Variants in TRIM60 observed in about 807,000 individuals in gnomAD.
The protein encoded by TRIM60 is tripartite motif-containing protein 60.
For missense variants in TRIM60, 524 were observed against 540.8 expected, an observed-to-expected ratio of 0.97 and a Z score of 0.31; for synonymous variants, 189 against 195.2, an observed-to-expected ratio of 0.97 and a Z score of 0.27.
In TRIM60 at chr4:165,040,294, G is replaced by A; in HGVS notation, c.222G>A (p.Leu74=). The stretch of plus-strand genomic sequence containing the variant: ...GGAGGAACCCCCAGCTCCGTAATTT[G>A]ACTGAAATTGCTAAACAACTCCAGA... The part of the protein sequence containing the change: ...SFRRNPQLRN[L]TEIAKQLQIR... The change falls in exon 3 of 3, where the codon TTG becomes TTA. Residue 74 remains leucine (L), a synonymous_variant. Transcript: ENST00000512596. The A allele has an allele frequency of 1.2e-6, 2 of 1,614,124 alleles. No individual in the cohort carries two copies. The highest frequency in any genetic ancestry group is 1.7e-6 in the Non-Finnish European group (2 of 1,180,028).
chr4:165,041,293 G>A lies in TRIM60; in HGVS notation c.1221G>A (p.Leu407=). ...CAGGTCCTAAGACAACCCAGCTTCT[G>A]CCAGTAGTAAAACCCAGTAAAATTG... ...VASGPKTTQL[L]PVVKPSKIGI... The change falls in exon 3 of 3, where the codon CTG becomes CTA. Residue 407 remains leucine, a synonymous_variant. Coordinates refer to ENST00000512596, the MANE Select transcript of TRIM60 (RefSeq NM_152620.3). 1 of 1,614,202 alleles carries A rather than the reference G, an allele frequency of 6.2e-7. No individual in the cohort carries two copies. The highest frequency in any genetic ancestry group is 8.5e-7 in the Non-Finnish European group (1 of 1,180,038).
intron 1 of TRIM60, among the ~76,000 whole-genome samples, chr4:165,033,890 A>T (rs563604548): frequency 3.9e-5 from 6 of 152,204 alleles, no homozygotes; most frequent in South Asian, 4.1e-4. Flanking sequence ...GCTCACTGGC[A>T]CTTAAGGAAG....
At position 165,041,112 on chromosome 4, in the gene TRIM60, C is replaced by T; in HGVS notation, c.1040C>T (p.Ser347Phe). The T allele has an allele frequency of 6.2e-7, 1 of 1,614,186 alleles. No individual in the cohort carries two copies. The highest frequency in any genetic ancestry group is 8.5e-7 in the Non-Finnish European group (1 of 1,180,028). The change falls in exon 3 of 3, where the codon TCT (serine) becomes TTT (phenylalanine). Residue 347 changes from serine (S) to phenylalanine (F), a missense_variant. Coordinates refer to ENST00000512596, the MANE Select transcript of TRIM60 (RefSeq NM_152620.3). ...PAVLGSQRFS[S>F]GRHYWEVEVG... Reference sequence around the variant, plus strand: ...GTCCTAGGCTCTCAGAGATTTAGTTCTGGCCGACATTACTGGGAAGTAGAA... The same window carrying T: ...GTCCTAGGCTCTCAGAGATTTAGTTTTGGCCGACATTACTGGGAAGTAGAA...
rs536426179 is a variant in TRIM60 at position 165,032,094 on chromosome 4, G to C, written c.-75G>C. The C allele has an allele frequency of 1.6e-4, 25 of 152,470 alleles. No individual in the cohort carries two copies. The highest frequency in any genetic ancestry group is 5.5e-4 in the African/African-American group (23 of 41,586). The allele number at this position is 152,470 out of a possible 1,614,324, so 9.4% of individuals were successfully genotyped here. A position where few individuals can be genotyped will look rare whatever the true frequency, so the allele number is the denominator to read the frequency against. On this transcript the variant is annotated 5_prime_UTR_variant, in exon 1 of 3. Coordinates refer to ENST00000512596, the MANE Select transcript of TRIM60 (RefSeq NM_152620.3). ...TCCTGCACAGCATCAGGCCTGAGCC[G>C]CCGGTCCAACTGCTCCAGGTAAGCT...
intron 1 of TRIM60, among the ~76,000 whole-genome samples, chr4:165,038,089 A>G (rs768715005): frequency 6.6e-6 from 1 of 152,200 alleles, no homozygotes; most frequent in Non-Finnish European, 1.5e-5. Context: ...AGGCAGTCAG[A>G]TTGATGAGCA....
At chr4:165,036,365 G>A (rs1336259593) in intron 1 of TRIM60, among the ~76,000 whole-genome samples, 3 of 152,114 alleles carry the variant, frequency 2.0e-5, no homozygotes, top group African/African-American at 4.8e-5. Flanking sequence ...ATTAGAGACC[G>A]CTACCTAATA....
chr4:165,034,782 G>A (rs891813512), intron 1 of TRIM60, among the ~76,000 whole-genome samples: 10 of 152,270 alleles, frequency 6.6e-5, no homozygotes, highest in African/African-American at 1.9e-4. Flanking sequence ...AAATTGGAAT[G>A]TACATGACAT....
At chr4:165,034,505 C>T (rs1476453128) in intron 1 of TRIM60, among the ~76,000 whole-genome samples, 1 of 152,138 alleles carries the variant, frequency 6.6e-6, no homozygotes, top group Non-Finnish European at 1.5e-5. Flanking sequence ...TTAAAAAATT[C>T]CAGTCATATT....
In TRIM60 at chr4:165,040,606, TAA is replaced by T; in HGVS notation, c.535_536del (p.Lys179GlufsTer7). 1 of 1,614,088 alleles carries T rather than the reference TAA, an allele frequency of 6.2e-7. No individual in the cohort carries two copies. Among genetic ancestry groups the T allele is most frequent in the Non-Finnish European group, 8.5e-7 (1 of 1,180,006 alleles). ...SVELKKKVEY[K>X]REEINSEFEQ... ...TGGAGCTGAAAAAGAAGGTAGAATA[TAA>T]GAGGGAAGAAATAAATTCTGAGTTT... On this transcript the variant is annotated frameshift_variant, in exon 3 of 3. Coordinates refer to ENST00000512596, the MANE Select transcript of TRIM60 (RefSeq NM_152620.3). LOFTEE classifies it low-confidence loss of function (END_TRUNC).
Position 165,040,185 on chromosome 4 carries a change from C to T in TRIM60, c.113C>T (p.Ser38Phe). 4 of 1,614,186 alleles carry T rather than the reference C, an allele frequency of 2.5e-6. No homozygotes were observed. Among genetic ancestry groups the T allele is most frequent in the Non-Finnish European group, 3.4e-6 (4 of 1,180,036 alleles). The change falls in exon 3 of 3, where the codon TCC becomes TTC. Residue 38 changes from serine (S) to phenylalanine (F), a missense_variant. By Grantham distance (155) the Ser-to-Phe change is radical. Transcript: ENST00000512596. The part of the protein sequence containing the change: ...TINCGHNFCR[S>F]CLSVSWKDLD... Reference sequence around the variant, plus strand: ...AACTGTGGGCACAACTTCTGTCGCTCCTGCCTCAGTGTATCCTGGAAGGAT... The same window carrying T: ...AACTGTGGGCACAACTTCTGTCGCTTCTGCCTCAGTGTATCCTGGAAGGAT...
intron 1 of TRIM60, among the ~76,000 whole-genome samples, chr4:165,035,720 TTTTC>T (rs1231139880): frequency 6.6e-6 from 1 of 150,702 alleles, no homozygotes; most frequent in Non-Finnish European, 1.5e-5. Context: ...TTTTTTCTTT[TTTTC>T]TTTCTTTTTT....
In TRIM60 at chr4:165,040,359, T is replaced by G. The variant is rs990960289; in HGVS notation, c.287T>G (p.Met96Arg). The G allele has an allele frequency of 6.2e-7, 1 of 1,614,214 alleles. No homozygotes were observed. Among genetic ancestry groups the G allele is most frequent in the South Asian group, 1.1e-5 (1 of 91,088 alleles). ...SKRKRQKENA[M>R]CEKHNQFLTL... ...AGAAAGAGGCAGAAAGAGAATGCCA[T>G]GTGTGAAAAACACAACCAGTTTCTG... The change falls in exon 3 of 3, where the codon ATG becomes AGG. Residue 96 changes from methionine (M) to arginine (R), a missense_variant. Met to Arg is a moderately conservative substitution (Grantham distance 91). Transcript: ENST00000512596.
intron 1 of TRIM60, 107 bp from the exon 2 acceptor site, chr4:165,039,094 G>T (rs936771865): frequency 1.3e-5 from 2 of 151,754 alleles, no homozygotes; most frequent in African/African-American, 2.4e-5. Flanking sequence ...ATATATAATA[G>T]AATTTTATAT....
intron 2 of TRIM60, 109 bp downstream of exon 2, chr4:165,039,361 TG>T (rs1186679996): frequency 6.6e-6 from 1 of 152,210 alleles, no homozygotes; most frequent in East Asian, 1.9e-4. Context: ...CAGTTAGTGA[TG>T]ATTCTTGCCT....
In TRIM60 at chr4:165,040,873, C is replaced by CT. The variant is rs763285806; in HGVS notation, c.805dup (p.Ser269PhefsTer3). 3.0e-5 allele frequency: 48 copies of CT among 1,612,786 alleles called. No individual in the cohort carries two copies. Among genetic ancestry groups the CT allele is most frequent in the Non-Finnish European group, 3.1e-5 (36 of 1,179,440 alleles). On this transcript the variant is annotated frameshift_variant, in exon 3 of 3. Coordinates refer to ENST00000512596, the MANE Select transcript of TRIM60 (RefSeq NM_152620.3). LOFTEE classifies it low-confidence loss of function (END_TRUNC). ...ATCAAAACCTAAAATGCCCTGAACTCTTTTCATTTAGATTAACAAAATATG... is the reference window on the plus strand; with the variant it reads ...ATCAAAACCTAAAATGCCCTGAACTCTTTTTCATTTAGATTAACAAAATATG...
At chr4:165,039,861 T>G (rs887937663) in intron 2 of TRIM60, among the ~76,000 whole-genome samples, 1 of 151,490 alleles carries the variant, frequency 6.6e-6, no homozygotes, top group African/African-American at 2.4e-5. Flanking sequence ...GCTGTAAGCT[T>G]TGAATTATTA....
Position 165,040,152 on chromosome 4 carries a change from T to C in TRIM60, c.80T>C (p.Val27Ala). 6.2e-7 allele frequency: 1 copy of C among 1,614,078 alleles called. No individual in the cohort carries two copies. Among genetic ancestry groups the C allele is most frequent in the Non-Finnish European group, 8.5e-7 (1 of 1,180,032 alleles). The change falls in exon 3 of 3, where the codon GTG (valine) becomes GCG (alanine). Residue 27 changes from valine to alanine, a missense_variant. Transcript: ENST00000512596. ...PICLEYLKDPVTINCGHNFCR... is the reference protein window; with the variant it reads ...PICLEYLKDPATINCGHNFCR... Reference sequence around the variant, plus strand: ...TGTCTGGAGTACTTGAAAGACCCAGTGACCATCAACTGTGGGCACAACTTC... The same window carrying C: ...TGTCTGGAGTACTTGAAAGACCCAGCGACCATCAACTGTGGGCACAACTTC...
intron 1 of TRIM60, among the ~76,000 whole-genome samples, chr4:165,032,605 A>G (rs1011428235): frequency 1.3e-5 from 2 of 152,116 alleles, no homozygotes; most frequent in African/African-American, 2.4e-5. Flanking sequence ...TTTAAAGAAG[A>G]TTCTGATCTG....
At chr4:165,032,449 A>T (rs969894623) in intron 1 of TRIM60, among the ~76,000 whole-genome samples, 1 of 152,110 alleles carries the variant, frequency 6.6e-6, no homozygotes, top group Non-Finnish European at 1.5e-5. Flanking sequence ...AGGTTTCTCC[A>T]TGTTGGCCAG....
Sources: allele counts gnomAD v4.1 joint callset (sites outside exome capture counted in the v4.1 genomes callset), GRCh38; gene constraint gnomAD v4.1.1; transcripts MANE v1.5; gene names NCBI Gene and HGNC (gene_info 2026-07-23, HGNC 2026-07-21).